Variants in RO60 observed in about 807,000 individuals in gnomAD.
RO60 encodes RNA-binding protein RO60.
Under a neutral mutation model 55.3 loss-of-function variants are expected in RO60, and 20 were observed. The ratio of observed to expected loss-of-function variants is 0.36; its 90% CI spans 0.25 to 0.53. RO60 has a LOEUF of 0.53. Ranked by LOEUF, RO60 falls within the 20% of genes least tolerant of loss-of-function variation. RO60 has a pLI of 0.92. For missense variants in RO60, 558 were observed against 646.6 expected (o/e 0.86, Z 1.49); for synonymous variants, 213 against 213.6 (o/e 1.00, Z 0.02).
chr1:193,082,319 A>C lies in RO60; in HGVS notation c.1317+20A>C, dbSNP rs1462433815. On this transcript the variant is annotated intron_variant, in intron 7 of 8. Coordinates refer to ENST00000400968, the MANE Select transcript of RO60 (RefSeq NM_001173524.2). ...AGTCAGGTAAGAAACTGTGTTTTTTAAGTTTACTTAGTTAAGTTTACATAA... is the reference window on the plus strand; with the variant it reads ...AGTCAGGTAAGAAACTGTGTTTTTTCAGTTTACTTAGTTAAGTTTACATAA... The C allele has an allele frequency of 2.0e-6, 3 of 1,531,226 alleles. No individual in the cohort carries two copies. The highest frequency in any genetic ancestry group is 2.8e-5 in the African/African-American group (2 of 72,202). The allele number at this position is 1,531,226 out of a possible 1,614,324, so 94.9% of individuals were successfully genotyped here.
In RO60 at chr1:193,069,513, G is replaced by T; in HGVS notation, c.459G>T (p.Ala153=). 1 of 1,614,172 alleles carries T rather than the reference G, an allele frequency of 6.2e-7. No homozygotes were observed. The highest frequency in any genetic ancestry group is 8.5e-7 in the Non-Finnish European group (1 of 1,180,032). Residue 153 remains alanine (A), a synonymous_variant, in exon 2 of 9, where the codon GCG becomes GCT. Coordinates refer to ENST00000400968, the MANE Select transcript of RO60 (RefSeq NM_001173524.2). The stretch of plus-strand genomic sequence containing the variant: ...GTCGTGCCCTCCGGAAGGCTATAGC[G>T]GACTGGTACAATGAGAAAGGTGGCA... ...MWGRALRKAI[A]DWYNEKGGMA...
chr1:193,076,033 C>A lies in RO60; in HGVS notation c.794C>A (p.Ser265Tyr). 1 of 1,598,390 alleles carries A rather than the reference C, an allele frequency of 6.3e-7. No homozygotes were observed. Among genetic ancestry groups the A allele is most frequent in the South Asian group, 1.1e-5 (1 of 89,160 alleles). The change falls in exon 3 of 9, where the codon TCT becomes TAT. Residue 265 changes from serine to tyrosine, a missense_variant. Physicochemically the swap from Ser to Tyr is moderately radical, Grantham distance 144 (BLOSUM62 -2). Coordinates refer to ENST00000400968, the MANE Select transcript of RO60 (RefSeq NM_001173524.2). The stretch of plus-strand genomic sequence containing the variant: ...CATCTTTTAACAAATCACTTAAAGT[C>A]TAAAGAGGTGAGTGAATTATATGTT... The part of the protein sequence containing the change: ...REHLLTNHLK[S>Y]KEVWKALLQE...
At position 193,090,825 on chromosome 1, in the gene RO60, T is replaced by TTAA. The variant is rs1211230630; in HGVS notation, c.*6097_*6099dup. ...CCTTGGGGTCTGTTTAAATAATGCC[T>TTAA]TAATAGTGTTCTAATGTTTCTGAAA... On this transcript the variant is annotated 3_prime_UTR_variant, in exon 9 of 9. Transcript: ENST00000400968. The TTAA allele has an allele frequency of 6.6e-6, 1 of 152,142 alleles. No homozygotes were observed. Among genetic ancestry groups the TTAA allele is most frequent in the African/African-American group, 2.4e-5 (1 of 41,458 alleles). The allele number at this position is 152,142 out of a possible 1,614,324, so 9.4% of individuals were successfully genotyped here. A position where few individuals can be genotyped will look rare whatever the true frequency, so the allele number is the denominator to read the frequency against.
intron 6 of RO60, 47 bp downstream of exon 6, chr1:193,081,527 G>C (rs760628754): frequency 9.6e-7 from 1 of 1,036,802 alleles, no homozygotes; most frequent in Non-Finnish European, 1.5e-6. Flanking sequence ...CATGTTTACT[G>C]TAGAGCAAAA....
chr1:193,070,351 G>C (rs1193328885), intron 2 of RO60, among the ~76,000 whole-genome samples: 1 of 152,152 alleles, frequency 6.6e-6, no homozygotes, highest in East Asian at 1.9e-4. Context: ...CAGGCAGTTA[G>C]TCAGGGGACA....
intron 2 of RO60, among the ~76,000 whole-genome samples, chr1:193,071,986 C>T (rs549967000): frequency 6.6e-6 from 1 of 151,850 alleles, no homozygotes; most frequent in South Asian, 2.1e-4. Context: ...ATTCATTCAA[C>T]AAATATTTAT....
chr1:193,088,774 A>G lies in RO60; in HGVS notation c.*4043A>G, dbSNP rs1025893710. ...GTAAAAAAAAATGACAGGTTAATCAATGAAATTAGTTGTATTTACTGTTTG... is the reference window on the plus strand; with the variant it reads ...GTAAAAAAAAATGACAGGTTAATCAGTGAAATTAGTTGTATTTACTGTTTG... On this transcript the variant is annotated 3_prime_UTR_variant, in exon 9 of 9. Coordinates refer to ENST00000400968, the MANE Select transcript of RO60 (RefSeq NM_001173524.2). 2.0e-5 allele frequency: 3 copies of G among 152,218 alleles called. No individual in the cohort carries two copies. The highest frequency in any genetic ancestry group is 2.9e-5 in the Non-Finnish European group (2 of 68,036). The allele number at this position is 152,218 out of a possible 1,614,324, so 9.4% of individuals were successfully genotyped here.
At chr1:193,072,457 C>A in intron 2 of RO60, among the ~76,000 whole-genome samples, 1 of 147,998 alleles carries the variant, frequency 6.8e-6, no homozygotes, top group African/African-American at 2.5e-5. Flanking sequence ...GGTTGGGGGA[C>A]ATTTCTGGCA....
intron 2 of RO60, among the ~76,000 whole-genome samples, chr1:193,072,247 G>A (rs1000020906): frequency 5.9e-5 from 9 of 152,082 alleles, no homozygotes; most frequent in African/African-American, 1.9e-4. Context: ...CAGGTGATCC[G>A]CCTGCCTTGG....
At chr1:193,076,766 A>G in intron 4 of RO60, 119 bp downstream of exon 4, 1 of 1,331,606 alleles carries the variant, frequency 7.5e-7, no homozygotes, top group Non-Finnish European at 1.0e-6. Context: ...ACCAAATTGC[A>G]TTATGGCTCT....
chr1:193,085,141 A>T lies in RO60; in HGVS notation c.*410A>T. ...AAAGGACAGCTTTGATAATGTCCAA[A>T]TACTCTGAAATGCACTAGACCATAT... On this transcript the variant is annotated 3_prime_UTR_variant, in exon 9 of 9. Coordinates refer to ENST00000400968, the MANE Select transcript of RO60 (RefSeq NM_001173524.2). 2.2e-6 allele frequency: 3 copies of T among 1,390,506 alleles called. No homozygotes were observed. Among genetic ancestry groups the T allele is most frequent in the Non-Finnish European group, 9.3e-7 (1 of 1,071,788 alleles). The allele number at this position is 1,390,506 out of a possible 1,614,324, so 86.1% of individuals were successfully genotyped here. A position where few individuals can be genotyped will look rare whatever the true frequency, so the allele number is the denominator to read the frequency against.
intron 1 of RO60, among the ~76,000 whole-genome samples, chr1:193,061,203 C>G (rs180750045): frequency 6.6e-6 from 1 of 152,276 alleles, no homozygotes; most frequent in Admixed American, 6.5e-5. Context: ...TGGCAGCTCC[C>G]CTCAGACTAG....
rs35085540 is a variant in RO60, at chr1:193,076,509, G to A, written c.810G>A (p.Lys270=). The part of the protein sequence containing the change: ...TNHLKSKEVW[K]ALLQEMPLTA... ...CTATGTTATTGCAATAGGTATGGAA[G>A]GCTTTGTTACAAGAAATGCCGCTTA... Residue 270 remains lysine (K), a synonymous_variant, in exon 4 of 9, where the codon AAG becomes AAA. Transcript: ENST00000400968. The A allele has an allele frequency of 2.3e-3, 3,705 of 1,610,826 alleles. 74 individuals are homozygous for A. The African/African-American group carries it at 0.042, about 18-fold the overall frequency.
At chr1:193,091,598 T>G, downstream of RO60, 4 of 1,439,976 alleles carry the variant, frequency 2.8e-6, no homozygotes, top group Non-Finnish European at 3.9e-6. Context: ...TACATTTGTT[T>G]CATGATAAAA....
chr1:193,068,662 A>G (rs1673277802), intron 1 of RO60, among the ~76,000 whole-genome samples: 1 of 152,210 alleles, frequency 6.6e-6, no homozygotes, highest in Non-Finnish European at 1.5e-5. Flanking sequence ...CTGTATCTCA[A>G]AAATGTGACG....
intron 5 of RO60, among the ~76,000 whole-genome samples, chr1:193,077,929 A>C (rs1674042120): frequency 6.6e-6 from 1 of 152,204 alleles, no homozygotes; most frequent in African/African-American, 2.4e-5. Flanking sequence ...AGATCTCATC[A>C]GTCTTGATAA....
chr1:193,064,442 A>G (rs1672980096), intron 1 of RO60, among the ~76,000 whole-genome samples: 1 of 152,244 alleles, frequency 6.6e-6, no homozygotes, highest in South Asian at 2.1e-4. Context: ...TCCAAAGACC[A>G]GGTACTCTCT....
chr1:193,085,868 AT>A lies in RO60; in HGVS notation c.*1144del, dbSNP rs1674603887. ...ATTACCAGCTAGCCAGTCACTAGGA[AT>A]TTTTTTCAGTATTATTTGTATGTAT... On this transcript the variant is annotated 3_prime_UTR_variant, in exon 9 of 9. Coordinates refer to ENST00000400968, the MANE Select transcript of RO60 (RefSeq NM_001173524.2). 2.0e-6 allele frequency: 2 copies of A among 985,166 alleles called. No homozygotes were observed. The highest frequency in any genetic ancestry group is 4.7e-5 in the South Asian group (1 of 21,278). The allele number at this position is 985,166 out of a possible 1,614,324, so 61.0% of individuals were successfully genotyped here.
rs766067301 is a variant in RO60, at chr1:193,076,913, G to A, written c.949G>A (p.Ala317Thr). 35 of 1,607,028 alleles carry A rather than the reference G, an allele frequency of 2.2e-5. No homozygotes were observed. In the South Asian group the frequency reaches 3.8e-4, roughly 17 times the overall value. Residue 317 changes from alanine (A) to threonine (T), a missense_variant and splice_region_variant, in exon 5 of 9, where the codon GCT becomes ACT. Ala to Thr is a moderately conservative substitution (Grantham distance 58). Coordinates refer to ENST00000400968, the MANE Select transcript of RO60 (RefSeq NM_001173524.2). ...AATTTTCCTTATACTTTGTTTCTAG[G>A]CTCGTATACATCCATTTCATATTTT... ...KLCNEKLLKK[A>T]RIHPFHILIA...
Sources: gnomAD v4.1 joint callset for allele counts (sites outside exome capture counted in the v4.1 genomes callset) on GRCh38, gnomAD v4.1.1 for gene constraint, MANE v1.5 for transcripts, NCBI Gene and HGNC (gene_info 2026-07-23, HGNC 2026-07-21) for gene names.